PCDH15: variants seen among roughly 807,000 people sequenced by gnomAD.
PCDH15 encodes protocadherin related 15, also known as protocadherin-15.
In PCDH15, 129 loss-of-function variants were observed where a neutral mutation model predicts 178.5. That is an observed-to-expected ratio of 0.72 (90% CI 0.63 to 0.84). PCDH15 has a LOEUF of 0.84. Among genes scored for constraint, PCDH15 ranks in the 40% least tolerant of loss-of-function variants. The pLI, the probability that PCDH15 is intolerant of heterozygous loss-of-function variation, is 0.00. For missense variants in PCDH15, 2,230 were observed against 2,099.9 expected, an observed-to-expected ratio of 1.06 and a Z score of -1.21; for synonymous variants, 800 against 732.0, an observed-to-expected ratio of 1.09 and a Z score of -1.50.
At chr10:53,945,202 A>C (rs1427407685) in intron 23 of PCDH15, among the ~76,000 whole-genome samples, 3 of 152,184 alleles carry the variant, frequency 2.0e-5, no homozygotes, top group African/African-American at 7.2e-5. Context: ...ATTAAGATAA[A>C]AATACTGGCA....
At chr10:55,152,771 C>A (rs926371357) in intron 2 of PCDH15, among the ~76,000 whole-genome samples, 2 of 152,020 alleles carry the variant, frequency 1.3e-5, no homozygotes, top group Non-Finnish European at 2.9e-5. Flanking sequence ...CCTAAGACTG[C>A]AGTTAGCAAT....
intron 2 of PCDH15, among the ~76,000 whole-genome samples, chr10:55,373,343 T>C (rs1845550478): frequency 6.6e-6 from 1 of 152,172 alleles, no homozygotes; most frequent in African/African-American, 2.4e-5. Flanking sequence ...TGGAACAAAG[T>C]CTTTCCATGG....
intron 2 of PCDH15, among the ~76,000 whole-genome samples, chr10:55,410,601 G>A (rs548514900): frequency 6.6e-6 from 1 of 152,126 alleles, no homozygotes; most frequent in East Asian, 1.9e-4. Flanking sequence ...GATCCATGCT[G>A]GAAGAAATCC....
chr10:54,192,107 G>GAA (rs35501378), intron 11 of PCDH15, among the ~76,000 whole-genome samples: 1 of 90,410 alleles, frequency 1.1e-5, no homozygotes, highest in Non-Finnish European at 2.3e-5. Context: ...AAGGAAGAAA[G>GAA]AAAAAAAAAA....
chr10:55,445,502 A>T (rs940368263), intron 2 of PCDH15, among the ~76,000 whole-genome samples: 2 of 152,138 alleles, frequency 1.3e-5, no homozygotes, highest in Admixed American at 6.6e-5. Context: ...AGTAGTAATT[A>T]TATCTGAAAG....
chr10:55,113,537 AT>A (rs1837560022), intron 2 of PCDH15, among the ~76,000 whole-genome samples: 1 of 152,164 alleles, frequency 6.6e-6, no homozygotes, highest in East Asian at 1.9e-4. Context: ...TTCAAAATGC[AT>A]TTTACAATTT....
intron 32 of PCDH15, chr10:53,821,089 C>T: frequency 2.1e-6 from 2 of 975,162 alleles, no homozygotes; most frequent in Non-Finnish European, 2.4e-6. Flanking sequence ...AATGAAATGC[C>T]TTACAAAAGT....
chr10:53,869,411 G>C (rs77364875), intron 26 of PCDH15, among the ~76,000 whole-genome samples: 3,872 of 152,194 alleles, frequency 0.025, 158 homozygotes, highest in African/African-American at 0.087. Flanking sequence ...AGGTATCCAA[G>C]ACATTTCTTC....
chr10:54,037,670 T>C (rs1008807684), intron 18 of PCDH15, among the ~76,000 whole-genome samples: 9 of 152,004 alleles, frequency 5.9e-5, no homozygotes, highest in African/African-American at 2.2e-4. Context: ...TTTGCTGTAT[T>C]ACTGTGGTCT....
chr10:55,409,113 T>C (rs1159673808), intron 2 of PCDH15, among the ~76,000 whole-genome samples: 2 of 150,420 alleles, frequency 1.3e-5, no homozygotes, highest in African/African-American at 2.4e-5. Context: ...GTTCAATAGA[T>C]CAGTGACTCC....
At chr10:55,278,372 T>C (rs940363276) in intron 1 of PCDH15, among the ~76,000 whole-genome samples, 15 of 152,158 alleles carry the variant, frequency 9.9e-5, no homozygotes, top group Non-Finnish European at 2.2e-4. Flanking sequence ...TCCTTTTTTG[T>C]CTTTCATATC....
intron 2 of PCDH15, chr10:54,568,776 G>T (rs116005898): frequency 6.6e-6 from 1 of 151,866 alleles, no homozygotes; most frequent in African/African-American, 2.4e-5. Context: ...TTATCTAATG[G>T]TACCTTTTTC....
intron 2 of PCDH15, among the ~76,000 whole-genome samples, chr10:54,530,190 T>C (rs1156389683): frequency 1.3e-5 from 2 of 152,130 alleles, no homozygotes; most frequent in Admixed American, 6.6e-5. Context: ...TCTCCGCCTT[T>C]CCCATTCTCA....
intron 25 of PCDH15, among the ~76,000 whole-genome samples, chr10:53,916,756 G>A (rs185076223): frequency 2.9e-4 from 44 of 152,182 alleles, no homozygotes; most frequent in Admixed American, 8.5e-4. Context: ...TACTCTCTCT[G>A]AGGTAAAGTT....
At chr10:55,042,224 T>A (rs965396996) in intron 2 of PCDH15, among the ~76,000 whole-genome samples, 3 of 152,136 alleles carry the variant, frequency 2.0e-5, no homozygotes, top group African/African-American at 7.2e-5. Flanking sequence ...CATGCTGACC[T>A]TGTAGGGTGG....
chr10:54,280,032 T>C (rs1037710612), intron 8 of PCDH15, among the ~76,000 whole-genome samples: 2 of 151,676 alleles, frequency 1.3e-5, no homozygotes, highest in African/African-American at 4.8e-5. Context: ...CATCATACCA[T>C]ATATTACACA....
chr10:54,388,486 T>C (rs1430216559), intron 3 of PCDH15, among the ~76,000 whole-genome samples: 1 of 152,182 alleles, frequency 6.6e-6, no homozygotes, highest in African/African-American at 2.4e-5. Context: ...GGAGAGGGCA[T>C]GCCTTCGTGA....
At chr10:54,832,515 C>G (rs1301069670) in intron 3 of PCDH15, among the ~76,000 whole-genome samples, 1 of 152,160 alleles carries the variant, frequency 6.6e-6, no homozygotes, top group Admixed American at 6.6e-5. Context: ...TTCTGCCATT[C>G]ACTCATTTCC....
intron 26 of PCDH15, among the ~76,000 whole-genome samples, chr10:53,869,008 A>G (rs573535406): frequency 2.0e-5 from 3 of 151,986 alleles, no homozygotes; most frequent in Non-Finnish European, 4.4e-5. Context: ...GGGTCTCGCT[A>G]TGTTGCCTGG....
Sources: allele counts gnomAD v4.1 joint callset (sites outside exome capture counted in the v4.1 genomes callset), GRCh38; gene constraint gnomAD v4.1.1; transcripts MANE v1.5; gene names NCBI Gene and HGNC (gene_info 2026-07-23, HGNC 2026-07-21).